Variants in CA10 observed in about 807,000 individuals in gnomAD.
CA10 encodes the protein carbonic anhydrase 10 (inactive), also known as carbonic anhydrase-related protein 10.
In CA10, 14 loss-of-function variants were observed where a neutral mutation model predicts 44.2. The observed-to-expected ratio is 0.32, with a 90% CI of 0.21 to 0.50. The LOEUF (loss-of-function observed/expected upper bound fraction) is 0.50. CA10 is among the 20% of genes least tolerant of loss of function. The pLI is 0.99. For synonymous variants in CA10, 159 were observed against 141.6 expected (o/e 1.12, Z -0.87); for missense variants, 350 against 409.7 (o/e 0.85, Z 1.26).
chr17:51,961,718 A>G (rs1317257818), intron 2 of CA10, among the ~76,000 whole-genome samples: 2 of 152,228 alleles, frequency 1.3e-5, no homozygotes, highest in Non-Finnish European at 2.9e-5. Flanking sequence ...GAATCATTTT[A>G]TTGAAAGATA....
At chr17:52,003,102 C>T (rs1364633433) in intron 2 of CA10, among the ~76,000 whole-genome samples, 2 of 152,056 alleles carry the variant, frequency 1.3e-5, no homozygotes, top group Admixed American at 6.6e-5. Flanking sequence ...TCAGGTTATA[C>T]GATGGGCCTG....
intron 3 of CA10, among the ~76,000 whole-genome samples, chr17:51,772,691 A>G (rs1038994062): frequency 1.3e-5 from 2 of 151,958 alleles, no homozygotes; most frequent in Non-Finnish European, 2.9e-5. Context: ...GAACTAGGCC[A>G]GCTAACACAG....
intron 1 of CA10, among the ~76,000 whole-genome samples, chr17:52,107,737 C>T (rs1988691381): frequency 6.6e-6 from 1 of 152,298 alleles, no homozygotes; most frequent in East Asian, 1.9e-4. Flanking sequence ...AGCAGATCTG[C>T]AATGTGATCG....
intron 1 of CA10, among the ~76,000 whole-genome samples, chr17:52,136,186 A>T (rs943203594): frequency 1.3e-5 from 2 of 152,216 alleles, no homozygotes; most frequent in African/African-American, 4.8e-5. Context: ...GAGGAACTGG[A>T]TGCCTAAAAG....
At chr17:51,640,441 C>T (rs1567784863) in intron 6 of CA10, among the ~76,000 whole-genome samples, 2 of 152,290 alleles carry the variant, frequency 1.3e-5, no homozygotes, top group East Asian at 3.9e-4. Context: ...TATGCTATTA[C>T]CATGTTTCCA....
At chr17:51,887,154 C>T (rs1028270465) in intron 3 of CA10, among the ~76,000 whole-genome samples, 2 of 150,758 alleles carry the variant, frequency 1.3e-5, no homozygotes, top group African/African-American at 4.9e-5. Flanking sequence ...TCGGCTAATA[C>T]AATCTTATTC....
At chr17:52,073,508 G>A (rs1412826202) in intron 1 of CA10, among the ~76,000 whole-genome samples, 1 of 152,192 alleles carries the variant, frequency 6.6e-6, no homozygotes, top group Non-Finnish European at 1.5e-5. Context: ...CATAGGATGA[G>A]TGAAACTGAA....
At chr17:52,126,138 G>T (rs1989113830) in intron 1 of CA10, among the ~76,000 whole-genome samples, 1 of 152,080 alleles carries the variant, frequency 6.6e-6, no homozygotes, top group Admixed American at 6.5e-5. Flanking sequence ...AAAAAACATT[G>T]CTATGATATT....
chr17:52,140,512 A>G (rs1324654008), intron 1 of CA10, among the ~76,000 whole-genome samples: 1 of 152,200 alleles, frequency 6.6e-6, no homozygotes, highest in Non-Finnish European at 1.5e-5. Context: ...CATGAAATAT[A>G]TTATTTCCTC....
chr17:51,873,235 A>G (rs909576013), intron 3 of CA10, among the ~76,000 whole-genome samples: 3 of 152,232 alleles, frequency 2.0e-5, no homozygotes, highest in Non-Finnish European at 4.4e-5. Context: ...AAGGTACAGA[A>G]CAGAGTAAGT....
rs562676474 is a variant in CA10 at position 51,898,956 on chromosome 17, T to C, written c.279+32034A>G. Among the ~76,000 whole-genome samples, 8 of 152,130 alleles carry C rather than the reference T, an allele frequency of 5.3e-5. No individual in the cohort carries two copies. In the South Asian group the frequency reaches 1.7e-3, roughly 31 times the overall value. Reference sequence around the variant, plus strand: ...ATCTTCTTTTTTTTCTTTATTAGTCTAGCTAGCAGTCTGTCAATCTTATTT... The same window carrying C: ...ATCTTCTTTTTTTTCTTTATTAGTCCAGCTAGCAGTCTGTCAATCTTATTT... On this transcript the variant is annotated intron_variant, in intron 3 of 8. Transcript: ENST00000451037.
chr17:51,853,677 C>T (rs1023504895), intron 3 of CA10, among the ~76,000 whole-genome samples: 2 of 152,186 alleles, frequency 1.3e-5, no homozygotes, highest in African/African-American at 4.8e-5. Flanking sequence ...ACCCAAATCT[C>T]ATCTCAAATT....
rs1160491670 is a variant in CA10 at position 52,044,935 on chromosome 17, C to CA, written c.136+27383dup. Among the ~76,000 whole-genome samples, 6 of 151,602 alleles carry CA rather than the reference C, an allele frequency of 4.0e-5. 1 individual carries two copies. Among genetic ancestry groups the CA allele is most frequent in the Non-Finnish European group, 5.9e-5 (4 of 67,970 alleles). ...TGAAGAAATCATGGCCAAATCTTTC[C>CA]AAATTTTATGAAGACCTATAAATCC... On this transcript the variant is annotated intron_variant, in intron 2 of 8. Coordinates refer to ENST00000451037, the MANE Select transcript of CA10 (RefSeq NM_020178.5).
intron 4 of CA10, among the ~76,000 whole-genome samples, chr17:51,704,200 C>G (rs1597996661): frequency 6.6e-6 from 1 of 152,186 alleles, no homozygotes; most frequent in Admixed American, 6.5e-5. Context: ...ATCCATCTAT[C>G]CACCTATTCT....
At chr17:51,903,740 AT>A in intron 3 of CA10, among the ~76,000 whole-genome samples, 1 of 152,314 alleles carries the variant, frequency 6.6e-6, no homozygotes, top group East Asian at 1.9e-4. Context: ...CCCCATCTAC[AT>A]TATGTCAAAA....
chr17:51,924,450 C>T (rs549957489), intron 3 of CA10, among the ~76,000 whole-genome samples: 14 of 152,230 alleles, frequency 9.2e-5, no homozygotes, highest in South Asian at 6.2e-4. Context: ...TTTATTAGCT[C>T]GTATTTATTT....
intron 1 of CA10, among the ~76,000 whole-genome samples, chr17:52,131,982 G>A (rs1251920039): frequency 1.3e-5 from 2 of 151,948 alleles, no homozygotes; most frequent in Non-Finnish European, 2.9e-5. Flanking sequence ...GACACAGGAA[G>A]GGGAACATCA....
chr17:51,797,232 T>A (rs1906744615), intron 3 of CA10, among the ~76,000 whole-genome samples: 1 of 152,170 alleles, frequency 6.6e-6, no homozygotes, highest in Non-Finnish European at 1.5e-5. Context: ...TAAAGCAGCA[T>A]GAAAAAGGAT....
intron 3 of CA10, among the ~76,000 whole-genome samples, chr17:51,770,892 G>A (rs559819492): frequency 6.6e-6 from 1 of 152,058 alleles, no homozygotes; most frequent in Admixed American, 6.5e-5. Context: ...TTGGGAGGCT[G>A]AGGCAGGCAG....
Sources: gnomAD v4.1 joint callset for allele counts (sites outside exome capture counted in the v4.1 genomes callset) on GRCh38, gnomAD v4.1.1 for gene constraint, MANE v1.5 for transcripts, NCBI Gene and HGNC (gene_info 2026-07-23, HGNC 2026-07-21) for gene names.